Variants in SH3PXD2B observed in about 807,000 individuals in gnomAD.
The protein encoded by SH3PXD2B is SH3 and PX domain-containing protein 2B.
SH3PXD2B carries 37 observed loss-of-function variants against 73.1 expected under a neutral mutation model. The ratio of observed to expected loss-of-function variants is 0.51; its 90% confidence interval spans 0.39 to 0.67. The LOEUF (loss-of-function observed/expected upper bound fraction) is 0.67, where lower values mean the gene tolerates loss of function less well. Among genes scored for constraint, SH3PXD2B ranks in the 30% least tolerant of loss-of-function variants. The probability of loss-of-function intolerance (pLI) is 0.00; values close to 1 mark genes in which losing one functional copy is unlikely to be tolerated. For missense variants in SH3PXD2B, 1,053 were observed against 1,197.8 expected (o/e 0.88, Z 1.78); for synonymous variants, 457 against 480.5 (o/e 0.95, Z 0.64).
chr5:172,416,678 GTCTCTCTC>G (rs202035580), intron 2 of SH3PXD2B, among the ~76,000 whole-genome samples: 2 of 111,794 alleles, frequency 1.8e-5, no homozygotes, highest in African/African-American at 4.0e-5. Flanking sequence ...GAGACTGTGA[GTCTCTCTC>G]TCTCTCTCTC....
chr5:172,374,146 T>A lies in SH3PXD2B; in HGVS notation c.402-331A>T, dbSNP rs184319712. ...CACTGCACTGAGCCTGATGCCTACC[T>A]CATCAGGCACAGCAGAGGTCCCTGC... On this transcript the variant is annotated intron_variant, in intron 5 of 12. Transcript: ENST00000311601. 0.011 allele frequency among the ~76,000 whole-genome samples: 1,609 copies of A among 152,190 alleles called. 14 individuals carry two copies. Among genetic ancestry groups the A allele is most frequent in the South Asian group, 0.025 (121 of 4,816 alleles).
intron 1 of SH3PXD2B, among the ~76,000 whole-genome samples, chr5:172,429,421 TTC>T (rs1265038245): frequency 6.6e-6 from 1 of 152,228 alleles, no homozygotes; most frequent in Non-Finnish European, 1.5e-5. Flanking sequence ...GGAGGTTTTC[TTC>T]TGTTCCCAGA....
chr5:172,328,678 T>G (rs3925650), downstream of SH3PXD2B, among the ~76,000 whole-genome samples: 2 of 151,748 alleles, frequency 1.3e-5, no homozygotes, highest in African/African-American at 4.8e-5. Context: ...GTCTCAAGCT[T>G]GAATCCAAGA....
Position 172,339,653 on chromosome 5 carries a change from C to T in SH3PXD2B, c.1452G>A (p.Trp484Ter). 6.2e-7 allele frequency: 1 copy of T among 1,614,246 alleles called. No individual in the cohort carries two copies. Among genetic ancestry groups the T allele is most frequent in the Non-Finnish European group, 8.5e-7 (1 of 1,180,042 alleles). ...CCTTACTGCCCTTCCAGTCTTTAGA[C>T]CATGGCAACCCCGAGTCCATGACAC... ...PHGVMDSGLP[W>*]SKDWKGSKDV... The change falls in exon 13 of 13, where the codon TGG (tryptophan) becomes TGA (stop). Residue 484 changes from tryptophan (W) to a stop codon, truncating the protein, a stop_gained. Transcript: ENST00000311601. LOFTEE classifies it low-confidence loss of function (END_TRUNC). This position sits in a 1 kb window ranked among gnomAD's most constrained non-coding sequence, Gnocchi z 6.1.
At chr5:172,349,793 T>G (rs1369291251) in intron 10 of SH3PXD2B, among the ~76,000 whole-genome samples, 2 of 152,224 alleles carry the variant, frequency 1.3e-5, no homozygotes, top group Admixed American at 1.3e-4. Context: ...GTAGCCAGTG[T>G]GACCACTGTG....
At chr5:172,384,666 C>G (rs2113378516) in intron 4 of SH3PXD2B, among the ~76,000 whole-genome samples, 1 of 152,350 alleles carries the variant, frequency 6.6e-6, no homozygotes, top group South Asian at 2.1e-4. Context: ...AAGGTTCATG[C>G]TTGCAGCAGG....
chr5:172,329,083 A>ATATATATTTTT (rs58472514), downstream of SH3PXD2B, among the ~76,000 whole-genome samples: 8 of 61,812 alleles, frequency 1.3e-4, no homozygotes, highest in African/African-American at 3.9e-4. Context: ...ATATATATAT[A>ATATATATTTTT]TTTTTTTTTT....
downstream of SH3PXD2B, among the ~76,000 whole-genome samples, chr5:172,330,331 C>T (rs757896278): frequency 2.0e-5 from 3 of 152,124 alleles, no homozygotes; most frequent in Non-Finnish European, 4.4e-5. Context: ...GAGTTACAAA[C>T]AGAATTTGGG....
chr5:172,347,974 T>A (rs1359800497), intron 10 of SH3PXD2B, among the ~76,000 whole-genome samples: 1 of 152,104 alleles, frequency 6.6e-6, no homozygotes, highest in Non-Finnish European at 1.5e-5. Context: ...GATGAGGACT[T>A]TGCAGTGGTC....
Position 172,390,812 on chromosome 5 carries a change from C to CTT in SH3PXD2B, c.309+3749_309+3750dup, listed in dbSNP as rs1405612765. ...ACTGTCTTCCAAAGTAGCTTCCCGT[C>CTT]TTTTGTGTGTGTGTGTGTGTGTGTG... On this transcript the variant is annotated intron_variant, in intron 4 of 12. Transcript: ENST00000311601. Among the ~76,000 whole-genome samples, 6 of 123,596 alleles carry CTT rather than the reference C, an allele frequency of 4.9e-5. No individual in the cohort carries two copies. The East Asian group carries it at 8.6e-4, about 18-fold the overall frequency. 81.1% of individuals were successfully genotyped at this position (123,596 alleles called of 152,430 possible). A position where few individuals can be genotyped will look rare whatever the true frequency, so the allele number is the denominator to read the frequency against.
At position 172,362,805 on chromosome 5, in the gene SH3PXD2B, C is replaced by T. The variant is rs2113322765; in HGVS notation, c.492G>A (p.Gln164=). 6.2e-7 allele frequency: 1 copy of T among 1,614,184 alleles called. No individual in the cohort carries two copies. Residue 164 remains glutamine (Q), a synonymous_variant, in exon 7 of 13, where the codon CAG becomes CAA. Transcript: ENST00000311601. The part of the protein sequence containing the change: ...LEQYVVVANY[Q]KQESSEISLS... ...GGCTGATCTCCGAACTCTCCTGCTT[C>T]TGGTAGTTGGCTACCACCACATACT...
intron 1 of SH3PXD2B, 67 bp from the exon 2 acceptor site, chr5:172,422,563 G>C (rs1581327391): frequency 4.8e-6 from 7 of 1,450,768 alleles, no homozygotes; most frequent in Non-Finnish European, 2.8e-6. Context: ...TGGGACCCAG[G>C]GGGAGCACAA....
chr5:172,408,834 C>A (rs1758624652), intron 2 of SH3PXD2B, among the ~76,000 whole-genome samples: 1 of 142,286 alleles, frequency 7.0e-6, no homozygotes, highest in African/African-American at 2.7e-5. Context: ...TGGGTTTTCA[C>A]TTTCTAGTTT....
At position 172,337,051 on chromosome 5, in the gene SH3PXD2B, C is replaced by A. The variant is rs1006371649; in HGVS notation, c.*1318G>T. The A allele has an allele frequency of 8.1e-6, 8 of 985,250 alleles. No homozygotes were observed. Among genetic ancestry groups the A allele is most frequent in the Middle Eastern group, 5.2e-4 (1 of 1,936 alleles). The allele number at this position is 985,250 out of a possible 1,614,324, so 61.0% of individuals were successfully genotyped here. A position where few individuals can be genotyped will look rare whatever the true frequency, so the allele number is the denominator to read the frequency against. ...GCTGGCCCTCGAGGCCACCTCAGCT[C>A]CCGTTGCTCCATAAGCTCTATTCCC... On this transcript the variant is annotated 3_prime_UTR_variant, in exon 13 of 13. Coordinates refer to ENST00000311601, the MANE Select transcript of SH3PXD2B (RefSeq NM_001017995.3).
At chr5:172,397,144 C>T (rs139968727) in intron 3 of SH3PXD2B, among the ~76,000 whole-genome samples, 1 of 152,062 alleles carries the variant, frequency 6.6e-6, no homozygotes, top group African/African-American at 2.4e-5. Flanking sequence ...AGGGGGAGGT[C>T]TCTGAAATGG....
intron 8 of SH3PXD2B, among the ~76,000 whole-genome samples, chr5:172,358,457 A>G (rs1757327970): frequency 6.6e-6 from 1 of 152,206 alleles, no homozygotes. Flanking sequence ...CGCCAGAATA[A>G]TTCGAGGGAG....
Position 172,339,416 on chromosome 5 carries a change from C to G in SH3PXD2B, c.1689G>C (p.Met563Ile). ...CTGGAGGGATGTGTTTGGCTGGCAT[C>G]ATCGGCAAAATCACGCCCGGAGGCT... is the stretch of plus-strand genomic sequence containing the variant. ...TPKPPGVILPMMPAKHIPPAR... is the reference protein window; with the variant it reads ...TPKPPGVILPIMPAKHIPPAR... Residue 563 changes from methionine to isoleucine, a missense_variant, in exon 13 of 13, where the codon ATG becomes ATC. Coordinates refer to ENST00000311601, the MANE Select transcript of SH3PXD2B (RefSeq NM_001017995.3). The surrounding 1 kb of genome is among the most constrained non-coding windows in gnomAD (Gnocchi z 6.1). 1 of 1,614,208 alleles carries G rather than the reference C, an allele frequency of 6.2e-7. No individual in the cohort carries two copies. The highest frequency in any genetic ancestry group is 1.1e-5 in the South Asian group (1 of 91,084).
intron 12 of SH3PXD2B, among the ~76,000 whole-genome samples, chr5:172,342,165 G>A (rs1395039364): frequency 6.6e-6 from 1 of 152,156 alleles, no homozygotes; most frequent in Non-Finnish European, 1.5e-5. Flanking sequence ...TTGAACTTCT[G>A]GCTTCCCAAA....
At position 172,335,054 on chromosome 5, in the gene SH3PXD2B, C is replaced by A. The variant is rs904429681; in HGVS notation, c.*3315G>T. On this transcript the variant is annotated 3_prime_UTR_variant, in exon 13 of 13. Transcript: ENST00000311601. Reference sequence around the variant, plus strand: ...AGCTCTCCCGCAGTCTCAGCTGGGACGACATACACCCACCAATGGCAAAGA... The same window carrying A: ...AGCTCTCCCGCAGTCTCAGCTGGGAAGACATACACCCACCAATGGCAAAGA... 29 of 985,328 alleles carry A rather than the reference C, an allele frequency of 2.9e-5. No homozygotes were observed. Among genetic ancestry groups the A allele is most frequent in the South Asian group, 4.7e-5 (1 of 21,282 alleles). 61.0% of individuals were successfully genotyped at this position (985,328 alleles called of 1,614,324 possible). A position where few individuals can be genotyped will look rare whatever the true frequency, so the allele number is the denominator to read the frequency against.
Sources: gnomAD v4.1 joint callset for allele counts (sites outside exome capture counted in the v4.1 genomes callset) on GRCh38, gnomAD v4.1.1 for gene constraint, Gnocchi (gnomAD v3.1) non-coding constraint, MANE v1.5 for transcripts, NCBI Gene and HGNC (gene_info 2026-07-23, HGNC 2026-07-21) for gene names.